CCDC91: variants seen among roughly 807,000 people sequenced by gnomAD.
CCDC91 encodes the protein coiled-coil domain-containing protein 91.
A neutral mutation model predicts 63.2 loss-of-function variants in CCDC91; 48 were observed. The ratio of observed to expected loss-of-function variants is 0.76; its 90% CI spans 0.60 to 0.97. The LOEUF (loss-of-function observed/expected upper bound fraction) is 0.97, where lower values mean the gene tolerates loss of function less well. Ranked by LOEUF, CCDC91 falls within the 50% of genes least tolerant of loss-of-function variation. CCDC91 has a pLI of 0.00. For synonymous variants in CCDC91, 167 were observed against 165.8 expected (o/e 1.01, Z -0.06); for missense variants, 500 against 494.6 (o/e 1.01, Z -0.10).
chr12:28,251,711 A>G (rs1316011097), intron 1 of CCDC91, among the ~76,000 whole-genome samples: 2 of 151,980 alleles, frequency 1.3e-5, no homozygotes, highest in African/African-American at 4.8e-5. Context: ...AGTTTCCCCT[A>G]ATTGTTTAAA....
chr12:28,263,378 C>T (rs370164695), intron 3 of CCDC91, among the ~76,000 whole-genome samples: 17 of 151,910 alleles, frequency 1.1e-4, no homozygotes, highest in Non-Finnish European at 1.6e-4. Flanking sequence ...CAGCCTCTGG[C>T]GACTAGGATC....
At chr12:28,502,775 G>C (rs1438414885) in intron 12 of CCDC91, among the ~76,000 whole-genome samples, 3 of 149,806 alleles carry the variant, frequency 2.0e-5, no homozygotes, top group Non-Finnish European at 4.5e-5. Flanking sequence ...CAGAAATAAC[G>C]CTGCATATCT....
In CCDC91 at chr12:28,418,782, T is replaced by A. The variant is rs116098795; in HGVS notation, c.762+27371T>A. Among the ~76,000 whole-genome samples the A allele has an allele frequency of 6.7e-3, 1,016 of 152,272 alleles. 17 individuals are homozygous for A. Among genetic ancestry groups the A allele is most frequent in the African/African-American group, 0.023 (939 of 41,578 alleles). The stretch of plus-strand genomic sequence containing the variant: ...AAATTAAATAAAAAGTTTTGGTTGT[T>A]ATTATATGCAGCCACATTTAGATAA... On this transcript the variant is annotated intron_variant, in intron 8 of 12. Transcript: ENST00000536442.
intron 8 of CCDC91, among the ~76,000 whole-genome samples, chr12:28,430,074 G>A (rs545055138): frequency 6.6e-6 from 1 of 151,972 alleles, no homozygotes; most frequent in South Asian, 2.1e-4. Context: ...ACTATTATAA[G>A]TGTTAACTTT....
intron 1 of CCDC91, among the ~76,000 whole-genome samples, chr12:28,213,790 T>C (rs1484823933): frequency 6.6e-6 from 1 of 152,218 alleles, no homozygotes. Context: ...TTCATGGAAT[T>C]GACTGGTCTT....
chr12:28,296,032 G>A lies in CCDC91; in HGVS notation c.110-9617G>A, dbSNP rs147150587. Among the ~76,000 whole-genome samples, 1,093 of 151,448 alleles carry A rather than the reference G, an allele frequency of 7.2e-3. 13 individuals carry two copies. The highest frequency in any genetic ancestry group is 0.012 in the Non-Finnish European group (810 of 67,652). Reference sequence around the variant, plus strand: ...TAGACTCCTTATATCATTTTTTATTGTATTTTACTTCATTAGTTTATTTCT... The same window carrying A: ...TAGACTCCTTATATCATTTTTTATTATATTTTACTTCATTAGTTTATTTCT... On this transcript the variant is annotated intron_variant, in intron 3 of 12. Transcript: ENST00000536442.
At chr12:28,542,259 T>G (rs1942680216) in intron 12 of CCDC91, among the ~76,000 whole-genome samples, 1 of 152,004 alleles carries the variant, frequency 6.6e-6, no homozygotes, top group Admixed American at 6.6e-5. Context: ...AAACAGAGAA[T>G]TTACTTACCA....
intron 3 of CCDC91, among the ~76,000 whole-genome samples, chr12:28,290,566 T>C (rs1333480406): frequency 2.0e-5 from 3 of 152,218 alleles, no homozygotes; most frequent in African/African-American, 7.2e-5. Context: ...CTGTTTATTA[T>C]GCAGACTTGT....
intron 6 of CCDC91, among the ~76,000 whole-genome samples, chr12:28,345,247 C>T (rs184303333): frequency 4.7e-4 from 71 of 151,596 alleles, no homozygotes; most frequent in Non-Finnish European, 8.7e-4. Flanking sequence ...TATGTGTATG[C>T]GTGTGTTTGT....
intron 3 of CCDC91, among the ~76,000 whole-genome samples, chr12:28,270,994 G>A (rs1947731084): frequency 6.6e-6 from 1 of 152,092 alleles, no homozygotes; most frequent in Non-Finnish European, 1.5e-5. Flanking sequence ...TAATTATTCA[G>A]ATTCTTACTT....
intron 11 of CCDC91, among the ~76,000 whole-genome samples, chr12:28,477,912 T>C (rs1951203132): frequency 6.6e-6 from 1 of 152,112 alleles, no homozygotes; most frequent in Non-Finnish European, 1.5e-5. Flanking sequence ...ACAAGGGATG[T>C]GAAGGACCTC....
At chr12:28,528,636 G>A (rs1239680472) in intron 12 of CCDC91, among the ~76,000 whole-genome samples, 1 of 152,130 alleles carries the variant, frequency 6.6e-6, no homozygotes, top group African/African-American at 2.4e-5. Context: ...CTGCAATCTA[G>A]TCCTGCCTCC....
chr12:28,219,937 T>G (rs1196275729), intron 1 of CCDC91, among the ~76,000 whole-genome samples: 7 of 152,212 alleles, frequency 4.6e-5, no homozygotes, highest in Admixed American at 4.6e-4. Context: ...TTCTTTTGAT[T>G]GATGTTTGCA....
At chr12:28,482,513 C>A (rs1315746702) in intron 11 of CCDC91, among the ~76,000 whole-genome samples, 3 of 151,722 alleles carry the variant, frequency 2.0e-5, no homozygotes, top group Non-Finnish European at 4.4e-5. Context: ...TATGATCAAG[C>A]AAATGACAAG....
intron 12 of CCDC91, among the ~76,000 whole-genome samples, chr12:28,492,627 T>C (rs1291958701): frequency 6.6e-6 from 1 of 151,448 alleles, no homozygotes; most frequent in East Asian, 1.9e-4. Flanking sequence ...AAGCCCGCAG[T>C]AGTTAGAACC....
rs919685017 is a variant in CCDC91 at position 28,285,859 on chromosome 12, T to A, written c.110-19790T>A. ...TTTGCATATCTATGTTTTGATCACC[T>A]ATTTGATGATTATTCTGATAATTTT... On this transcript the variant is annotated intron_variant, in intron 3 of 12. Transcript: ENST00000536442. 2.5e-4 allele frequency among the ~76,000 whole-genome samples: 38 copies of A among 151,964 alleles called. 1 individual carries two copies. Among genetic ancestry groups the A allele is most frequent in the Non-Finnish European group, 1.5e-5 (1 of 67,994 alleles).
At chr12:28,472,042 C>T (rs764739244) in intron 11 of CCDC91, among the ~76,000 whole-genome samples, 13 of 152,272 alleles carry the variant, frequency 8.5e-5, no homozygotes, top group Middle Eastern at 3.4e-3. Context: ...TGAGCCACCA[C>T]GCCCGGCCCA....
intron 12 of CCDC91, among the ~76,000 whole-genome samples, chr12:28,519,712 C>CTCCCCCT (rs1940382983): frequency 8.7e-6 from 1 of 115,150 alleles, no homozygotes; most frequent in South Asian, 3.8e-4. Flanking sequence ...AATGCTATCC[C>CTCCCCCT]TCCCCCCTCC....
intron 1 of CCDC91, among the ~76,000 whole-genome samples, chr12:28,223,556 A>G (rs959830804): frequency 7.9e-5 from 12 of 152,102 alleles, no homozygotes; most frequent in African/African-American, 2.4e-5. Context: ...CTCTTAAACA[A>G]TATTGTCTCC....
Sources: gnomAD v4.1 joint callset for allele counts (sites outside exome capture counted in the v4.1 genomes callset) on GRCh38, gnomAD v4.1.1 for gene constraint, MANE v1.5 for transcripts, NCBI Gene and HGNC (gene_info 2026-07-23, HGNC 2026-07-21) for gene names.